Variants in ATP11A observed in about 807,000 individuals in gnomAD.
ATP11A encodes phospholipid-transporting ATPase IH.
A neutral mutation model predicts 154.4 loss-of-function variants in ATP11A; 81 were observed. That is an observed-to-expected ratio of 0.52 (90% CI 0.44 to 0.63). ATP11A has a LOEUF of 0.63. Among genes scored for constraint, ATP11A ranks in the 30% least tolerant of loss-of-function variants. ATP11A has a pLI of 0.00. For synonymous variants in ATP11A, 623 were observed against 585.9 expected (o/e 1.06, Z -0.91); for missense variants, 1,316 against 1,474.3 (o/e 0.89, Z 1.76).
chr13:112,725,124 C>G (rs1272305582), intron 1 of ATP11A, among the ~76,000 whole-genome samples: 2 of 152,214 alleles, frequency 1.3e-5, no homozygotes, highest in Non-Finnish European at 2.9e-5. Context: ...AACTCCATCC[C>G]TCTGTCAACC....
At chr13:112,777,566 A>C (rs1456638468) in intron 1 of ATP11A, among the ~76,000 whole-genome samples, 4 of 152,244 alleles carry the variant, frequency 2.6e-5, no homozygotes, top group Admixed American at 6.5e-5. Flanking sequence ...CTTCGTCTCA[A>C]AAAATATATA....
chr13:112,723,293 T>TCCCCCC (rs1315332766), intron 1 of ATP11A, among the ~76,000 whole-genome samples: 1 of 18,886 alleles, frequency 5.3e-5, no homozygotes, highest in Non-Finnish European at 1.0e-4. Flanking sequence ...GTTCCCCACC[T>TCCCCCC]CCCCCCGCCC....
intron 1 of ATP11A, among the ~76,000 whole-genome samples, chr13:112,781,335 C>T (rs183615216): frequency 2.0e-5 from 3 of 152,278 alleles, no homozygotes; most frequent in East Asian, 1.9e-4. Flanking sequence ...CCACCATGCC[C>T]GGCAGGGACC....
At chr13:112,698,841 C>T (rs777838190) in intron 1 of ATP11A, among the ~76,000 whole-genome samples, 26 of 152,172 alleles carry the variant, frequency 1.7e-4, no homozygotes, top group Non-Finnish European at 2.8e-4. Flanking sequence ...CATGCCTCAG[C>T]CTCCCAGGTA....
rs568216636 is a variant in ATP11A at position 112,828,869 on chromosome 13, C to T, written c.1221+1978C>T. Among the ~76,000 whole-genome samples, 10 of 152,298 alleles carry T rather than the reference C, an allele frequency of 6.6e-5. No homozygotes were observed. In the South Asian group the frequency reaches 1.5e-3, roughly 22 times the overall value. On this transcript the variant is annotated intron_variant, in intron 12 of 29. Coordinates refer to ENST00000375645, the MANE Select transcript of ATP11A (RefSeq NM_015205.3). ...GTGGGTAAACGCCTGTGCCCACTGT[C>T]GCTGTGCAGTACGATAACACGACTT...
intron 2 of ATP11A, 150 bp from the exon 3 acceptor site, chr13:112,804,807 A>T: frequency 2.0e-6 from 1 of 503,642 alleles, no homozygotes; most frequent in Non-Finnish European, 3.4e-6. Flanking sequence ...TTAGCTGTCA[A>T]CAAACACTCT....
intron 1 of ATP11A, among the ~76,000 whole-genome samples, chr13:112,702,376 GTAC>G (rs1377762808): frequency 3.4e-5 from 5 of 148,964 alleles, no homozygotes; most frequent in Admixed American, 3.3e-4. Flanking sequence ...ACCACTGTAA[GTAC>G]AGACACCGTA....
intron 2 of ATP11A, among the ~76,000 whole-genome samples, chr13:112,793,884 T>C (rs148970937): frequency 5.1e-4 from 77 of 152,316 alleles, no homozygotes; most frequent in Non-Finnish European, 9.4e-4. Context: ...ACCACACTGC[T>C]GGCAAGTAAC....
At chr13:112,842,541 C>T (rs533341171) in intron 17 of ATP11A, among the ~76,000 whole-genome samples, 162 bp downstream of exon 17, 24 of 152,352 alleles carry the variant, frequency 1.6e-4, no homozygotes, top group Admixed American at 1.2e-3. Flanking sequence ...CAGCCTCAGC[C>T]GGCACCGACC....
At chr13:112,700,119 A>G (rs1316450739) in intron 1 of ATP11A, among the ~76,000 whole-genome samples, 1 of 150,000 alleles carries the variant, frequency 6.7e-6, no homozygotes, top group Non-Finnish European at 1.5e-5. Flanking sequence ...AAAAGATTTT[A>G]AAGAGAAGGT....
At chr13:112,717,160 A>G (rs1888562650) in intron 1 of ATP11A, among the ~76,000 whole-genome samples, 1 of 152,266 alleles carries the variant, frequency 6.6e-6, no homozygotes, top group Non-Finnish European at 1.5e-5. Context: ...GCACTTGTTC[A>G]AGTGTAAAGA....
chr13:112,744,134 A>G (rs1177904707), intron 1 of ATP11A, among the ~76,000 whole-genome samples: 1 of 152,218 alleles, frequency 6.6e-6, no homozygotes, highest in Non-Finnish European at 1.5e-5. Context: ...TCAGTGGTCA[A>G]GAAAGTTAAA....
At chr13:112,812,015 G>A (rs1262931606) in intron 5 of ATP11A, 1 of 152,218 alleles carries the variant, frequency 6.6e-6, no homozygotes, top group East Asian at 1.9e-4. Context: ...TAACTGGGAT[G>A]TCTGTCACCT....
chr13:112,831,995 G>C (rs2079104509), intron 13 of ATP11A, among the ~76,000 whole-genome samples: 1 of 149,796 alleles, frequency 6.7e-6, no homozygotes, highest in South Asian at 2.1e-4. Context: ...TGCACACACA[G>C]ACACACATGC....
intron 1 of ATP11A, among the ~76,000 whole-genome samples, chr13:112,758,450 GTC>G (rs1233484534): frequency 6.8e-6 from 1 of 146,940 alleles, no homozygotes; most frequent in Admixed American, 6.8e-5. Context: ...TTGAGACAGA[GTC>G]TCTCTCTGTC....
intron 20 of ATP11A, among the ~76,000 whole-genome samples, chr13:112,857,354 T>C (rs1223227315): frequency 6.6e-6 from 1 of 152,236 alleles, no homozygotes; most frequent in Non-Finnish European, 1.5e-5. Context: ...GCATTAGGAA[T>C]AGTTTATGTT....
chr13:112,811,874 G>A (rs571843158), intron 5 of ATP11A: 4 of 152,226 alleles, frequency 2.6e-5, no homozygotes, highest in African/African-American at 4.8e-5. Context: ...CCAAAGTGCT[G>A]GAATTACAGG....
chr13:112,700,933 C>T lies in ATP11A; in HGVS notation c.39+10478C>T, dbSNP rs540785354. ...TGCGTGGGCTTGGACCTGCTTCTCT[C>T]GCCCACTTATCTGTGTATCTCTGAG... On this transcript the variant is annotated intron_variant, in intron 1 of 29. Transcript: ENST00000375645. 6.6e-5 allele frequency among the ~76,000 whole-genome samples: 10 copies of T among 152,338 alleles called. No individual in the cohort carries two copies. In the South Asian group the frequency reaches 8.3e-4, roughly 13 times the overall value.
At chr13:112,805,689 AG>A (rs2078302927) in intron 3 of ATP11A, among the ~76,000 whole-genome samples, 19 of 150,430 alleles carry the variant, frequency 1.3e-4, no homozygotes, top group Admixed American at 1.1e-3. Context: ...AAAAAAAAAA[AG>A]AGAAAGAAAA....
Sources: allele counts gnomAD v4.1 joint callset (sites outside exome capture counted in the v4.1 genomes callset), GRCh38; gene constraint gnomAD v4.1.1; transcripts MANE v1.5; gene names NCBI Gene and HGNC (gene_info 2026-07-23, HGNC 2026-07-21).